CHL1: variants seen among roughly 807,000 people sequenced by gnomAD.
CHL1 encodes neural cell adhesion molecule L1-like protein.
Under a neutral mutation model 141.9 loss-of-function variants are expected in CHL1, and 96 were observed. The ratio of observed to expected loss-of-function variants is 0.68; its 90% CI spans 0.57 to 0.80. CHL1 has a LOEUF of 0.80. Ranked by LOEUF, CHL1 falls within the 30% of genes least tolerant of loss-of-function variation. The probability of loss-of-function intolerance (pLI) is 0.00; values close to 1 mark genes in which losing one functional copy is unlikely to be tolerated. For synonymous variants in CHL1, 613 were observed against 502.2 expected (o/e 1.22, Z -2.95); for missense variants, 1,820 against 1,457.2 (o/e 1.25, Z -4.05).
intron 1 of CHL1, among the ~76,000 whole-genome samples, chr3:228,348 A>G (rs17009045): frequency 0.025 from 3,844 of 152,248 alleles, 148 homozygotes; most frequent in African/African-American, 0.087. Context: ...GCTTACCCCA[A>G]CCACCAGAAA....
At chr3:305,190 A>AG (rs1699119731) in intron 2 of CHL1, among the ~76,000 whole-genome samples, 1 of 152,184 alleles carries the variant, frequency 6.6e-6, no homozygotes. Flanking sequence ...TAAGGAAGAA[A>AG]GTATCATGGC....
chr3:321,769 A>T (rs1342888662), intron 3 of CHL1, among the ~76,000 whole-genome samples: 1 of 152,076 alleles, frequency 6.6e-6, no homozygotes, highest in Non-Finnish European at 1.5e-5. Flanking sequence ...GAACATCTGA[A>T]TATTATTCAT....
At chr3:318,743 C>T (rs1700323910) in intron 2 of CHL1, among the ~76,000 whole-genome samples, 1 of 151,190 alleles carries the variant, frequency 6.6e-6, no homozygotes, top group South Asian at 2.1e-4. Flanking sequence ...TTTCCTCTAT[C>T]TTGCTGGAAC....
At chr3:267,533 T>C (rs998075707) in intron 2 of CHL1, among the ~76,000 whole-genome samples, 1 of 152,212 alleles carries the variant, frequency 6.6e-6, no homozygotes, top group African/African-American at 2.4e-5. Flanking sequence ...TTTGATTTTA[T>C]GTTATTTTAT....
chr3:197,860 CTCTT>C (rs1245661249), intron 1 of CHL1: 4 of 420,158 alleles, frequency 9.5e-6, no homozygotes, highest in African/African-American at 4.5e-5. Context: ...TTGTGCCTCT[CTCTT>C]TCTCTCGCTT....
chr3:356,944 C>T (rs1034327995), intron 11 of CHL1, among the ~76,000 whole-genome samples: 3 of 152,140 alleles, frequency 2.0e-5, no homozygotes, highest in African/African-American at 7.2e-5. Context: ...ATTTTCCTGG[C>T]CTTTGAATGG....
At chr3:229,157 A>G (rs2125029495) in intron 1 of CHL1, among the ~76,000 whole-genome samples, 1 of 152,310 alleles carries the variant, frequency 6.6e-6, no homozygotes, top group South Asian at 2.1e-4. Flanking sequence ...TTCTATTTTA[A>G]GGTGGTGTTA....
chr3:242,810 C>G (rs1692790961), intron 1 of CHL1, among the ~76,000 whole-genome samples: 1 of 152,066 alleles, frequency 6.6e-6, no homozygotes, highest in African/African-American at 2.4e-5. Context: ...GCGTAGGCTG[C>G]TGCTGTGAGC....
In CHL1 at chr3:342,041, C is replaced by T; in HGVS notation, c.638C>T (p.Thr213Ile). The change falls in exon 7 of 28, where the codon ACT (threonine) becomes ATT (isoleucine). Residue 213 changes from threonine (T) to isoleucine (I), a missense_variant. Physicochemically the swap from Thr to Ile is moderately conservative, Grantham distance 89 (BLOSUM62 -1). Coordinates refer to ENST00000256509, the MANE Select transcript of CHL1 (RefSeq NM_006614.4). ...CCFAAFPRLR[T>I]IVQKMPMKLT... is the part of the protein sequence containing the mutation. ...TTTGCTGCATTTCCAAGATTAAGGA[C>T]TATTGTACAGAAAATGCCAATGAAA... The T allele has an allele frequency of 6.2e-7, 1 of 1,613,314 alleles. No individual in the cohort carries two copies. The highest frequency in any genetic ancestry group is 1.1e-5 in the South Asian group (1 of 91,006).
intron 19 of CHL1, among the ~76,000 whole-genome samples, chr3:388,550 G>GA (rs11319131): frequency 0.014 from 1,971 of 138,586 alleles, 46 homozygotes; most frequent in African/African-American, 0.054. Context: ...TCCGTCTCAA[G>GA]AAAAAAAAAA....
At chr3:310,269 AT>A (rs796331051) in intron 2 of CHL1, among the ~76,000 whole-genome samples, 15 of 150,542 alleles carry the variant, frequency 1.0e-4, no homozygotes, top group South Asian at 4.2e-4. Context: ...TATCTCTATA[AT>A]TTTTTTTTTA....
rs1559372583 is a variant in CHL1 at position 408,039 on chromosome 3, T to C, written c.*2328T>C. ...GATCTATGATTGACCCTGATTTTAA[T>C]TGTGAAATTATATGATTCATATATT... On this transcript the variant is annotated 3_prime_UTR_variant, in exon 28 of 28. Coordinates refer to ENST00000256509, the MANE Select transcript of CHL1 (RefSeq NM_006614.4). 3 of 152,144 alleles carry C rather than the reference T, an allele frequency of 2.0e-5. No individual in the cohort carries two copies. The highest frequency in any genetic ancestry group is 4.4e-5 in the Non-Finnish European group (3 of 68,014). 9.4% of individuals were successfully genotyped at this position (152,144 alleles called of 1,614,324 possible).
At chr3:270,980 A>C (rs1320453472) in intron 2 of CHL1, among the ~76,000 whole-genome samples, 1 of 152,220 alleles carries the variant, frequency 6.6e-6, no homozygotes, top group Non-Finnish European at 1.5e-5. Flanking sequence ...CCTTAGAATA[A>C]TTGGTTACAA....
At chr3:286,090 G>A (rs966746654) in intron 2 of CHL1, among the ~76,000 whole-genome samples, 2 of 151,848 alleles carry the variant, frequency 1.3e-5, no homozygotes, top group Non-Finnish European at 2.9e-5. Context: ...TTCCAAGTTA[G>A]AGATCCCCTT....
intron 1 of CHL1, among the ~76,000 whole-genome samples, chr3:212,749 C>G (rs1345843500): frequency 1.3e-5 from 2 of 152,182 alleles, no homozygotes; most frequent in Non-Finnish European, 2.9e-5. Context: ...GACTCAACAG[C>G]TCACTGCTCT....
intron 1 of CHL1, among the ~76,000 whole-genome samples, chr3:209,093 A>G (rs905483233): frequency 6.6e-6 from 1 of 152,372 alleles, no homozygotes; most frequent in East Asian, 1.9e-4. Flanking sequence ...GCCAATATCT[A>G]AAAGTTGAAC....
At chr3:269,481 C>T (rs1695447348) in intron 2 of CHL1, among the ~76,000 whole-genome samples, 1 of 151,962 alleles carries the variant, frequency 6.6e-6, no homozygotes, top group Admixed American at 6.6e-5. Context: ...GCCTTTCAGC[C>T]CAGGTGGGGT....
chr3:255,575 C>A (rs1412573262), intron 2 of CHL1, among the ~76,000 whole-genome samples: 2 of 152,024 alleles, frequency 1.3e-5, no homozygotes, highest in Non-Finnish European at 2.9e-5. Context: ...AAATACTAAG[C>A]ATTTTTATTC....
chr3:389,622 C>G lies in CHL1; in HGVS notation c.2470+148C>G, dbSNP rs543048260. On this transcript the variant is annotated intron_variant, in intron 20 of 27. Coordinates refer to ENST00000256509, the MANE Select transcript of CHL1 (RefSeq NM_006614.4). ...AGATAAAAACAAATATAACACATGA[C>G]TTCTATCTTAGGATTGATTGTAGGA... 6.2e-6 allele frequency: 4 copies of G among 641,130 alleles called. No homozygotes were observed. The East Asian group carries it at 1.1e-4, about 17-fold the overall frequency. 39.7% of individuals were successfully genotyped at this position (641,130 alleles called of 1,614,324 possible).
Sources: allele counts gnomAD v4.1 joint callset (sites outside exome capture counted in the v4.1 genomes callset), GRCh38; gene constraint gnomAD v4.1.1; transcripts MANE v1.5; gene names NCBI Gene and HGNC (gene_info 2026-07-23, HGNC 2026-07-21).